The following DSCAML1 variants were observed in gnomAD, a reference collection of about 807,000 sequenced individuals.
DSCAML1 encodes the protein cell adhesion molecule DSCAML1.
A neutral mutation model predicts 200.5 loss-of-function variants in DSCAML1; 38 were observed. The observed-to-expected ratio is 0.19, with a 90% CI of 0.15 to 0.25. The LOEUF is 0.25. Among genes scored for constraint, DSCAML1 ranks in the 10% least tolerant of loss-of-function variants. DSCAML1 has a pLI of 1.00. For synonymous variants in DSCAML1, 1,215 were observed against 1,165.0 expected (o/e 1.04, Z -0.87); for missense variants, 2,223 against 2,858.8 (o/e 0.78, Z 5.07).
At chr11:117,546,941 C>A (rs7949100) in intron 3 of DSCAML1, among the ~76,000 whole-genome samples, 2,642 of 152,202 alleles carry the variant, frequency 0.017, 74 homozygotes, top group African/African-American at 0.059. Flanking sequence ...TCCTCAGCCC[C>A]ATTGTAATAG....
At chr11:117,492,755 T>TTCGACGGCAGCTGAG (rs2049210778) in intron 11 of DSCAML1, among the ~76,000 whole-genome samples, 1 of 152,170 alleles carries the variant, frequency 6.6e-6, no homozygotes, top group Non-Finnish European at 1.5e-5. Flanking sequence ...TCACTCAGCC[T>TTCGACGGCAGCTGAG]TCGACGGCAG....
At chr11:117,697,342 T>C (rs1273314466) in intron 3 of DSCAML1, among the ~76,000 whole-genome samples, 1 of 152,244 alleles carries the variant, frequency 6.6e-6, no homozygotes. Flanking sequence ...AGATCCAACA[T>C]AAAGATTCTC....
intron 1 of DSCAML1, among the ~76,000 whole-genome samples, chr11:117,787,989 C>G (rs551382328): frequency 6.6e-6 from 1 of 152,194 alleles, no homozygotes; most frequent in Non-Finnish European, 1.5e-5. Flanking sequence ...CTCCCACCGG[C>G]TCACCCACCA....
In DSCAML1 at chr11:117,726,251, CTGTGTGTGTG is replaced by C. The variant is rs374321961; in HGVS notation, c.511+50530_511+50539del. On this transcript the variant is annotated intron_variant, in intron 3 of 32. Transcript: ENST00000651296. Reference sequence around the variant, plus strand: ...ATTGAATGAGGTTGTGTGTGTATCTCTGTGTGTGTGTGTGCGTGTGTGTGTGTGTGTGTGT... The same window carrying C: ...ATTGAATGAGGTTGTGTGTGTATCTCTGTGCGTGTGTGTGTGTGTGTGTGT... Among the ~76,000 whole-genome samples the C allele has an allele frequency of 7.4e-5, 11 of 149,174 alleles. No homozygotes were observed. The East Asian group carries it at 2.1e-3, about 29-fold the overall frequency.
chr11:117,431,502 T>C (rs1592560873), intron 31 of DSCAML1, 32 bp downstream of exon 31: 2 of 1,493,186 alleles, frequency 1.3e-6, no homozygotes, highest in Admixed American at 2.1e-5. Context: ...TGGGGGGAGG[T>C]GTTCAGGATG....
intron 3 of DSCAML1, among the ~76,000 whole-genome samples, chr11:117,677,520 AG>A (rs1280381299): frequency 1.3e-5 from 2 of 151,632 alleles, no homozygotes; most frequent in Non-Finnish European, 2.9e-5. Context: ...CTGGGGCGGG[AG>A]AATGAGGCAT....
intron 3 of DSCAML1, among the ~76,000 whole-genome samples, chr11:117,662,189 C>T (rs2052868822): frequency 6.6e-6 from 1 of 152,194 alleles, no homozygotes; most frequent in Admixed American, 6.5e-5. Flanking sequence ...GGTCACACCC[C>T]AGGGGCAAGT....
chr11:117,723,987 A>T (rs143517899), intron 3 of DSCAML1, among the ~76,000 whole-genome samples: 110 of 152,338 alleles, frequency 7.2e-4, no homozygotes, highest in African/African-American at 2.5e-3. Flanking sequence ...AGCAAAAGAG[A>T]GCTTGGCTAC....
In DSCAML1 at chr11:117,438,966, G is replaced by A. The variant is rs757787182; in HGVS notation, c.4162C>T (p.Arg1388Cys). The change falls in exon 24 of 33, where the codon CGC (arginine) becomes TGC (cysteine). Residue 1388 changes from arginine to cysteine, a missense_variant. This residue lies in a region of DSCAML1 where 614 missense variants were observed against 739.1 expected (regional missense o/e 0.83). Coordinates refer to ENST00000651296, the MANE Select transcript of DSCAML1 (RefSeq NM_020693.4). The stretch of plus-strand genomic sequence containing the variant: ...GCTGAGGTTTTGGAGACAGTGAGGC[G>A]GGGCTGGTCCGGGGGAACTGTGAGG... ...LLVQVPPDQPRLTVSKTSASS... is the reference protein window; with the variant it reads ...LLVQVPPDQPCLTVSKTSASS... 12 of 1,606,060 alleles carry A rather than the reference G, an allele frequency of 7.5e-6. No homozygotes were observed. In the East Asian group the frequency reaches 1.1e-4, roughly 15 times the overall value.
At chr11:117,449,798 C>T (rs1350021423) in intron 20 of DSCAML1, among the ~76,000 whole-genome samples, 2 of 152,034 alleles carry the variant, frequency 1.3e-5, no homozygotes, top group Admixed American at 1.3e-4. Flanking sequence ...AGTCACTCAG[C>T]AGGACTTGGT....
chr11:117,495,419 G>GA (rs2049272386), intron 11 of DSCAML1, among the ~76,000 whole-genome samples: 1 of 152,206 alleles, frequency 6.6e-6, no homozygotes, highest in South Asian at 2.1e-4. Flanking sequence ...GAGTCTCTGT[G>GA]GACTTGAGAG....
At chr11:117,605,200 G>A (rs573249224) in intron 3 of DSCAML1, among the ~76,000 whole-genome samples, 11 of 151,934 alleles carry the variant, frequency 7.2e-5, no homozygotes, top group African/African-American at 2.7e-4. Flanking sequence ...GGCTGCTCCC[G>A]GGTTTTAGAT....
At chr11:117,506,526 CAGACAAG>C (rs2049500595) in intron 8 of DSCAML1, among the ~76,000 whole-genome samples, 1 of 151,046 alleles carries the variant, frequency 6.6e-6, no homozygotes, top group African/African-American at 2.4e-5. Context: ...CAGACATGCC[CAGACAAG>C]AGACAAGAGA....
intron 3 of DSCAML1, among the ~76,000 whole-genome samples, chr11:117,617,722 A>ACACACACT (rs1223275917): frequency 9.8e-5 from 13 of 132,166 alleles, no homozygotes; most frequent in Non-Finnish European, 2.2e-4. Flanking sequence ...ACACACACAC[A>ACACACACT]CTCTCACTGC....
chr11:117,793,844 T>C (rs1371796099), intron 1 of DSCAML1, among the ~76,000 whole-genome samples: 1 of 152,206 alleles, frequency 6.6e-6, no homozygotes, highest in Non-Finnish European at 1.5e-5. Context: ...CAGCTGGCTT[T>C]GATGCCCAGA....
intron 3 of DSCAML1, among the ~76,000 whole-genome samples, chr11:117,651,478 G>A (rs2052630332): frequency 2.0e-5 from 3 of 151,982 alleles, no homozygotes; most frequent in Non-Finnish European, 4.4e-5. Context: ...GGCCGAGGCG[G>A]GCAGATCACG....
chr11:117,465,073 G>A lies in DSCAML1; in HGVS notation c.3134C>T (p.Thr1045Met), dbSNP rs758756481. The change falls in exon 17 of 33, where the codon ACG becomes ATG. Residue 1045 changes from threonine (T) to methionine (M), a missense_variant. Physicochemically the swap from Thr to Met is moderately conservative, Grantham distance 81. Coordinates refer to ENST00000651296, the MANE Select transcript of DSCAML1 (RefSeq NM_020693.4). ...GQYSIVEMKA[T>M]GDSEVYTLDN... ...CAGGGTGTAGACCTCGCTGTCCCCC[G>A]TGGCCTTCATCTCCACGATGCTGTA... 4 of 1,614,114 alleles carry A rather than the reference G, an allele frequency of 2.5e-6. No individual in the cohort carries two copies. Among genetic ancestry groups the A allele is most frequent in the East Asian group, 2.2e-5 (1 of 44,862 alleles).
At chr11:117,577,534 C>A (rs1382393907) in intron 3 of DSCAML1, among the ~76,000 whole-genome samples, 1 of 78,960 alleles carries the variant, frequency 1.3e-5, no homozygotes, top group Non-Finnish European at 2.5e-5. Context: ...TCCTTCCTTC[C>A]TTTCCTTCCT....
chr11:117,503,811 G>T lies in DSCAML1; in HGVS notation c.2359+34C>A. 1.3e-6 allele frequency: 2 copies of T among 1,599,376 alleles called. No individual in the cohort carries two copies. The highest frequency in any genetic ancestry group is 2.2e-5 in the East Asian group (1 of 44,640). ...AGAGCCGGGGCTTGGCTGTGATTTG[G>T]GGGTGCTAGGGGGCGTGTGGGGACA... On this transcript the variant is annotated intron_variant, in intron 11 of 32. Coordinates refer to ENST00000651296, the MANE Select transcript of DSCAML1 (RefSeq NM_020693.4). The surrounding 1 kb of genome is among the most constrained non-coding windows in gnomAD (Gnocchi z 5.2).
Sources: allele counts gnomAD v4.1 joint callset (sites outside exome capture counted in the v4.1 genomes callset), GRCh38; gene constraint gnomAD v4.1.1; regional missense constraint gnomAD v4.1.1; non-coding constraint Gnocchi (gnomAD v3.1); transcripts MANE v1.5; gene names NCBI Gene and HGNC (gene_info 2026-07-23, HGNC 2026-07-21).